Variants in CCDC102B observed in about 807,000 individuals in gnomAD.
The protein encoded by CCDC102B is coiled-coil domain containing 102B, also known as coiled-coil domain-containing protein 102B.
In CCDC102B, 75 loss-of-function variants were observed where a neutral mutation model predicts 57.4. The ratio of observed to expected loss-of-function variants is 1.31; its 90% confidence interval spans 1.08 to 1.58. The LOEUF (loss-of-function observed/expected upper bound fraction) is 1.58. Ranked by LOEUF, CCDC102B falls within the 40% of genes most tolerant of loss-of-function variation. The pLI, the probability that CCDC102B is intolerant of heterozygous loss-of-function variation, is 0.00. For synonymous variants in CCDC102B, 206 were observed against 201.9 expected, an observed-to-expected ratio of 1.02 and a Z score of -0.17; for missense variants, 636 against 582.6, an observed-to-expected ratio of 1.09 and a Z score of -0.94.
intron 6 of CCDC102B, among the ~76,000 whole-genome samples, chr18:68,923,816 C>T (rs1356541620): frequency 6.6e-6 from 1 of 152,034 alleles, no homozygotes; most frequent in Non-Finnish European, 1.5e-5. Context: ...CCATCTGAGA[C>T]ATGGTTAGCC....
chr18:68,841,741 TCTTTA>T (rs1363505613), intron 3 of CCDC102B, among the ~76,000 whole-genome samples: 8 of 152,194 alleles, frequency 5.3e-5, no homozygotes, highest in African/African-American at 1.7e-4. Flanking sequence ...TTTTTTCTTT[TCTTTA>T]CTTTTTGAGA....
chr18:68,920,766 T>G (rs1192897800), intron 6 of CCDC102B, among the ~76,000 whole-genome samples: 1 of 152,086 alleles, frequency 6.6e-6, no homozygotes, highest in Non-Finnish European at 1.5e-5. Context: ...GGAAACCGCT[T>G]ATAAAATCAT....
rs370279009 is a variant in CCDC102B at position 68,762,546 on chromosome 18, G to A, written c.-67+45952G>A. ...GTAACCCTTGTTTTTCTTAATGATG[G>A]CCTTAAAGCTCAAGAGTAAGAGTAG... On this transcript the variant is annotated intron_variant, in intron 2 of 3. Coordinates refer to the CCDC102B transcript ENST00000578970. Among the ~76,000 whole-genome samples the A allele has an allele frequency of 2.2e-3, 331 of 152,066 alleles. 1 individual carries two copies. Among genetic ancestry groups the A allele is most frequent in the Non-Finnish European group, 3.5e-3 (237 of 67,986 alleles).
At chr18:68,823,299 A>C (rs1003794868) in intron 1 of CCDC102B, 4 of 152,160 alleles carry the variant, frequency 2.6e-5, no homozygotes, top group Non-Finnish European at 4.4e-5. Flanking sequence ...TGTAGAGTGT[A>C]TGTTTGCTTC....
At chr18:68,851,619 T>C (rs909924551) in intron 4 of CCDC102B, among the ~76,000 whole-genome samples, 2 of 152,192 alleles carry the variant, frequency 1.3e-5, no homozygotes, top group Non-Finnish European at 2.9e-5. Flanking sequence ...ATAAGAATTA[T>C]GAAATAAATG....
At chr18:68,956,376 G>A (rs7506019) in intron 6 of CCDC102B, among the ~76,000 whole-genome samples, 17 of 5,812 alleles carry the variant, frequency 2.9e-3, no homozygotes, top group African/African-American at 4.9e-3. Context: ...TATATAAAAT[G>A]TATAATATAT....
At chr18:68,880,562 G>A (rs559760736) in intron 5 of CCDC102B, among the ~76,000 whole-genome samples, 9 of 151,718 alleles carry the variant, frequency 5.9e-5, no homozygotes, top group South Asian at 4.2e-4. Flanking sequence ...ACCTCTCAGC[G>A]GGGCAACTAA....
chr18:68,830,441 T>G (rs998784769), intron 1 of CCDC102B, among the ~76,000 whole-genome samples: 4 of 151,932 alleles, frequency 2.6e-5, no homozygotes, highest in African/African-American at 9.7e-5. Flanking sequence ...TTTGGCTTTT[T>G]TATTTGGCAC....
At chr18:69,015,995 C>G (rs2051654228) in intron 7 of CCDC102B, among the ~76,000 whole-genome samples, 2 of 150,832 alleles carry the variant, frequency 1.3e-5, no homozygotes, top group Non-Finnish European at 2.9e-5. Context: ...GCTGGGACTA[C>G]AGGTGCCCAC....
chr18:69,044,655 T>G (rs1349442373), intron 7 of CCDC102B, among the ~76,000 whole-genome samples: 2 of 152,158 alleles, frequency 1.3e-5, no homozygotes, highest in Non-Finnish European at 2.9e-5. Context: ...TAGTTTAACA[T>G]TATTATTTCC....
At chr18:68,956,911 G>T (rs2145216194) in intron 6 of CCDC102B, among the ~76,000 whole-genome samples, 2 of 151,618 alleles carry the variant, frequency 1.3e-5, no homozygotes, top group Admixed American at 1.3e-4. Context: ...ATATCTGTTT[G>T]CCATGTGTAT....
At chr18:68,733,068 G>T (rs2032956814) in intron 2 of CCDC102B, among the ~76,000 whole-genome samples, 1 of 152,120 alleles carries the variant, frequency 6.6e-6, no homozygotes, top group Non-Finnish European at 1.5e-5. Context: ...CTCAGTTAAT[G>T]ATCTTTATGT....
At chr18:68,747,747 T>A (rs2033678715) in intron 2 of CCDC102B, among the ~76,000 whole-genome samples, 1 of 152,152 alleles carries the variant, frequency 6.6e-6, no homozygotes, top group South Asian at 2.1e-4. Flanking sequence ...TATGTATATA[T>A]CACATTTTTT....
intron 4 of CCDC102B, among the ~76,000 whole-genome samples, chr18:68,849,977 G>A (rs1467976641): frequency 6.6e-6 from 1 of 152,070 alleles, no homozygotes; most frequent in East Asian, 1.9e-4. Flanking sequence ...GGAGGATTAT[G>A]TAAGGATAAT....
At chr18:68,763,072 TG>T in intron 2 of CCDC102B, among the ~76,000 whole-genome samples, 1 of 152,166 alleles carries the variant, frequency 6.6e-6, no homozygotes, top group Non-Finnish European at 1.5e-5. Context: ...TAATTTTACG[TG>T]GGTTATATTC....
intron 6 of CCDC102B, among the ~76,000 whole-genome samples, chr18:68,921,225 G>T (rs1410386967): frequency 6.6e-6 from 1 of 152,176 alleles, no homozygotes; most frequent in African/African-American, 2.4e-5. Flanking sequence ...CCCACGTGTG[G>T]TGGGAGGGAC....
At chr18:68,860,492 A>G (rs2038700569) in intron 4 of CCDC102B, among the ~76,000 whole-genome samples, 1 of 130,320 alleles carries the variant, frequency 7.7e-6, no homozygotes, top group Non-Finnish European at 1.7e-5. Context: ...AAAAAAAGAC[A>G]CTACAGGATG....
chr18:68,941,607 T>TTAC (rs778590338), intron 6 of CCDC102B, among the ~76,000 whole-genome samples: 2 of 152,122 alleles, frequency 1.3e-5, no homozygotes, highest in African/African-American at 2.4e-5. Context: ...TATTAAGAAG[T>TTAC]TACTGTTTTA....
chr18:68,997,687 A>G (rs1410794551), intron 6 of CCDC102B, among the ~76,000 whole-genome samples: 2 of 152,018 alleles, frequency 1.3e-5, no homozygotes, highest in African/African-American at 2.4e-5. Flanking sequence ...TTATTCCTCA[A>G]TAATATCTAT....
Sources: allele counts gnomAD v4.1 joint callset (sites outside exome capture counted in the v4.1 genomes callset), GRCh38; gene constraint gnomAD v4.1.1; transcripts MANE v1.5; gene names NCBI Gene and HGNC (gene_info 2026-07-23, HGNC 2026-07-21).